HSD17B3: variants seen among roughly 807,000 people sequenced by gnomAD.
The protein encoded by HSD17B3 is hydroxysteroid 17-beta dehydrogenase 3, also known as 17-beta-hydroxysteroid dehydrogenase type 3.
A neutral mutation model predicts 41.1 loss-of-function variants in HSD17B3; 29 were observed. The observed-to-expected ratio is 0.71, with a 90% CI of 0.53 to 0.96. The LOEUF is 0.96. Ranked by LOEUF, HSD17B3 falls within the 40% of genes least tolerant of loss-of-function variation. HSD17B3 has a pLI of 0.00. For missense variants in HSD17B3, 323 were observed against 374.6 expected (o/e 0.86, Z 1.14); for synonymous variants, 126 against 145.6 (o/e 0.87, Z 0.97).
At chr9:96,285,166 T>G (rs143018894) in intron 2 of HSD17B3, among the ~76,000 whole-genome samples, 249 of 152,210 alleles carry the variant, frequency 1.6e-3, no homozygotes, top group Non-Finnish European at 2.6e-3. Flanking sequence ...AAAGCTAATG[T>G]GAAAAATAAT....
At chr9:96,298,291 T>C (rs551144610) in intron 2 of HSD17B3, 125 bp downstream of exon 2, 6 of 806,710 alleles carry the variant, frequency 7.4e-6, no homozygotes, top group Non-Finnish European at 1.1e-5. Flanking sequence ...TTCCATAGAG[T>C]ATATTTTCTC....
intron 2 of HSD17B3, among the ~76,000 whole-genome samples, chr9:96,277,871 A>ACACACACACAC (rs1826532399): frequency 6.7e-6 from 1 of 150,048 alleles, no homozygotes; most frequent in African/African-American, 2.5e-5. Context: ...ACACACACAC[A>ACACACACACAC]ATGGAATATC....
intron 2 of HSD17B3, among the ~76,000 whole-genome samples, chr9:96,278,392 T>C (rs1429086454): frequency 1.3e-5 from 2 of 152,238 alleles, no homozygotes; most frequent in African/African-American, 2.4e-5. Flanking sequence ...CACTTAAATA[T>C]ATACAATTTT....
chr9:96,257,023 T>C (rs1181800262), intron 2 of HSD17B3, among the ~76,000 whole-genome samples: 2 of 152,142 alleles, frequency 1.3e-5, no homozygotes, highest in Non-Finnish European at 2.9e-5. Flanking sequence ...CTTCTCTTCC[T>C]GCTGCTCCAG....
At chr9:96,282,990 TTC>T (rs1826757634) in intron 2 of HSD17B3, among the ~76,000 whole-genome samples, 4 of 133,988 alleles carry the variant, frequency 3.0e-5, no homozygotes, top group East Asian at 2.5e-4. Flanking sequence ...ACAGGTTTCT[TTC>T]TTTTTTTTTT....
At chr9:96,249,656 T>C in intron 6 of HSD17B3, 95 bp downstream of exon 6, 1 of 1,124,808 alleles carries the variant, frequency 8.9e-7, no homozygotes, top group Admixed American at 1.7e-5. Flanking sequence ...TTTCAAAGAA[T>C]CCTGCTTCTA....
intron 2 of HSD17B3, among the ~76,000 whole-genome samples, chr9:96,256,028 A>T (rs1190955381): frequency 6.6e-6 from 1 of 152,244 alleles, no homozygotes; most frequent in Non-Finnish European, 1.5e-5. Context: ...CAGTGAGAAA[A>T]GTTAGAGTTT....
At chr9:96,274,787 T>C (rs1029746689) in intron 2 of HSD17B3, among the ~76,000 whole-genome samples, 15 of 152,136 alleles carry the variant, frequency 9.9e-5, no homozygotes, top group Non-Finnish European at 7.3e-5. Flanking sequence ...ATATATATTA[T>C]GGTATTCCAA....
At chr9:96,301,806 G>C in intron 1 of HSD17B3, 145 bp downstream of exon 1, 1 of 820,970 alleles carries the variant, frequency 1.2e-6, no homozygotes, top group Non-Finnish European at 2.0e-6. Flanking sequence ...GCTTAAACCC[G>C]GGAAGCGGAG....
At chr9:96,292,777 T>C (rs372828599) in intron 2 of HSD17B3, among the ~76,000 whole-genome samples, 2 of 152,084 alleles carry the variant, frequency 1.3e-5, no homozygotes, top group South Asian at 2.1e-4. Context: ...AAGAAAAAAT[T>C]TTGAAAGCCA....
chr9:96,256,421 G>A (rs1564033639), intron 2 of HSD17B3: 1 of 152,092 alleles, frequency 6.6e-6, no homozygotes, highest in Non-Finnish European at 1.5e-5. Context: ...ACCACTTGAG[G>A]TCAGGAGTTC....
intron 2 of HSD17B3, among the ~76,000 whole-genome samples, chr9:96,281,680 T>A (rs1826697154): frequency 6.6e-6 from 1 of 152,204 alleles, no homozygotes; most frequent in Admixed American, 6.5e-5. Context: ...GGATTAGGCA[T>A]GTACAGCATT....
At chr9:96,249,108 T>C (rs1281286982) in intron 6 of HSD17B3, among the ~76,000 whole-genome samples, 1 of 152,146 alleles carries the variant, frequency 6.6e-6, no homozygotes, top group Non-Finnish European at 1.5e-5. Flanking sequence ...GGTTTCACCA[T>C]GTTGGACAGG....
At chr9:96,251,778 G>A (rs754629624) in intron 4 of HSD17B3, among the ~76,000 whole-genome samples, 7 of 152,152 alleles carry the variant, frequency 4.6e-5, no homozygotes, top group Admixed American at 1.3e-4. Context: ...CAGCACATAC[G>A]TATAATTCCA....
chr9:96,269,252 A>C (rs912415711), intron 2 of HSD17B3, among the ~76,000 whole-genome samples: 1 of 152,176 alleles, frequency 6.6e-6, no homozygotes, highest in African/African-American at 2.4e-5. Flanking sequence ...ATGGTATTAG[A>C]AACTTACAGG....
At chr9:96,264,238 A>G (rs166819) in intron 2 of HSD17B3, among the ~76,000 whole-genome samples, 124,169 of 151,752 alleles carry the variant, frequency 0.82, 51,278 homozygotes, top group Non-Finnish European at 0.89. Flanking sequence ...AATGCACACA[A>G]AACAATAAAC....
chr9:96,284,028 G>C (rs1231693705), intron 2 of HSD17B3, among the ~76,000 whole-genome samples: 2 of 151,854 alleles, frequency 1.3e-5, no homozygotes, highest in Admixed American at 1.3e-4. Context: ...GACCAGCCTG[G>C]CCAATATGGT....
At chr9:96,264,524 T>G (rs1459135118) in intron 2 of HSD17B3, among the ~76,000 whole-genome samples, 1 of 151,976 alleles carries the variant, frequency 6.6e-6, no homozygotes, top group Non-Finnish European at 1.5e-5. Flanking sequence ...GTTGCTGGGT[T>G]GGTTGGTTGG....
intron 3 of HSD17B3, 100 bp downstream of exon 3, chr9:96,254,768 A>C: frequency 1.0e-6 from 1 of 1,004,462 alleles, no homozygotes. Context: ...CCAGGCTCTG[A>C]GAGCAGATGT....
Sources: allele counts gnomAD v4.1 joint callset (sites outside exome capture counted in the v4.1 genomes callset), GRCh38; gene constraint gnomAD v4.1.1; transcripts MANE v1.5; gene names NCBI Gene and HGNC (gene_info 2026-07-23, HGNC 2026-07-21).